TSPAN5: variants seen among roughly 807,000 people sequenced by gnomAD.
TSPAN5 encodes the protein tetraspanin 5.
In TSPAN5, 10 loss-of-function variants were observed where a neutral mutation model predicts 37.1. The ratio of observed to expected loss-of-function variants is 0.27; its 90% CI spans 0.17 to 0.46. TSPAN5 has a LOEUF of 0.46. Among genes scored for constraint, TSPAN5 ranks in the 20% least tolerant of loss-of-function variants. TSPAN5 has a pLI of 1.00. For synonymous variants in TSPAN5, 110 were observed against 118.9 expected (o/e 0.93, Z 0.48); for missense variants, 195 against 326.6 (o/e 0.60, Z 3.11).
At chr4:98,497,189 C>A (rs573279920) in intron 2 of TSPAN5, among the ~76,000 whole-genome samples, 3 of 151,806 alleles carry the variant, frequency 2.0e-5, no homozygotes, top group Middle Eastern at 3.2e-3. Flanking sequence ...GCCAGGCGTG[C>A]GCCTTGTAGT....
At chr4:98,621,364 C>CTTT (rs59414794) in intron 1 of TSPAN5, among the ~76,000 whole-genome samples, 8 of 102,658 alleles carry the variant, frequency 7.8e-5, no homozygotes, top group African/African-American at 1.4e-4. Flanking sequence ...CAATATGTCA[C>CTTT]TTTTTTTTTT....
intron 1 of TSPAN5, among the ~76,000 whole-genome samples, chr4:98,579,251 G>A (rs1326627409): frequency 6.6e-6 from 1 of 152,112 alleles, no homozygotes; most frequent in Non-Finnish European, 1.5e-5. Context: ...CCTCAAACAC[G>A]CTCTTCTTCC....
intron 1 of TSPAN5, among the ~76,000 whole-genome samples, chr4:98,652,129 G>A (rs900422924): frequency 1.3e-5 from 2 of 151,874 alleles, no homozygotes; most frequent in African/African-American, 4.8e-5. Context: ...TAAAGTGTTG[G>A]GATTACAGGT....
In TSPAN5 at chr4:98,539,452, C is replaced by T. The variant is rs181674373; in HGVS notation, c.82-31724G>A. 8.3e-4 allele frequency among the ~76,000 whole-genome samples: 127 copies of T among 152,266 alleles called. 1 individual carries two copies. The highest frequency in any genetic ancestry group is 3.0e-3 in the African/African-American group (123 of 41,560). ...ACTCTATTGCCCTTACTCCCCTCTT[C>T]CCCAAACCACAATTTTGACATGGCA... On this transcript the variant is annotated intron_variant, in intron 1 of 7. Coordinates refer to ENST00000305798, the MANE Select transcript of TSPAN5 (RefSeq NM_005723.4).
intron 1 of TSPAN5, among the ~76,000 whole-genome samples, chr4:98,582,037 G>A (rs796695461): frequency 2.4e-4 from 36 of 152,200 alleles, no homozygotes; most frequent in African/African-American, 7.5e-4. Flanking sequence ...CTGAGCTCCC[G>A]GCCCATCTCT....
chr4:98,499,039 G>T (rs1035229032), intron 2 of TSPAN5, among the ~76,000 whole-genome samples: 2 of 152,224 alleles, frequency 1.3e-5, no homozygotes, highest in African/African-American at 4.8e-5. Flanking sequence ...GCTCAGAGGT[G>T]CACTGGCTGA....
At chr4:98,527,402 A>G (rs974711049) in intron 1 of TSPAN5, among the ~76,000 whole-genome samples, 1 of 152,220 alleles carries the variant, frequency 6.6e-6, no homozygotes, top group East Asian at 1.9e-4. Flanking sequence ...TCCAAATTCT[A>G]GGCAAAAATC....
chr4:98,481,188 A>T (rs1752831342), intron 4 of TSPAN5, among the ~76,000 whole-genome samples: 1 of 152,166 alleles, frequency 6.6e-6, no homozygotes, highest in African/African-American at 2.4e-5. Context: ...TGTATGTCTC[A>T]TTAGTGTCAT....
chr4:98,480,908 T>A (rs1752824979), intron 4 of TSPAN5, among the ~76,000 whole-genome samples: 1 of 152,140 alleles, frequency 6.6e-6, no homozygotes, highest in South Asian at 2.1e-4. Flanking sequence ...ATAACCCTGC[T>A]CAGTCCTGAG....
chr4:98,592,351 T>TA (rs1467728046), intron 1 of TSPAN5, among the ~76,000 whole-genome samples: 1 of 149,740 alleles, frequency 6.7e-6, no homozygotes, highest in Non-Finnish European at 1.5e-5. Context: ...AATGAGCCAG[T>TA]ATTCAAAAAA....
chr4:98,605,747 T>C (rs533580457), intron 1 of TSPAN5, among the ~76,000 whole-genome samples: 1 of 152,340 alleles, frequency 6.6e-6, no homozygotes, highest in Admixed American at 6.5e-5. Context: ...AATGGAGGTG[T>C]ACATGTGGCT....
intron 1 of TSPAN5, among the ~76,000 whole-genome samples, chr4:98,620,215 C>G (rs1015786006): frequency 1.3e-5 from 2 of 152,154 alleles, no homozygotes; most frequent in Non-Finnish European, 2.9e-5. Flanking sequence ...CTTTAGCTCA[C>G]TCTTGGAACC....
intron 2 of TSPAN5, among the ~76,000 whole-genome samples, chr4:98,488,866 AGTATAGCG>A (rs1035912031): frequency 1.3e-5 from 2 of 152,202 alleles, no homozygotes; most frequent in African/African-American, 4.8e-5. Context: ...CAGCCTGGGC[AGTATAGCG>A]AGACCCTTTC....
intron 1 of TSPAN5, among the ~76,000 whole-genome samples, chr4:98,639,595 C>T (rs542440508): frequency 6.6e-6 from 1 of 151,420 alleles, no homozygotes; most frequent in African/African-American, 2.4e-5. Flanking sequence ...GTGCTGGGAT[C>T]ACAGGCATAA....
chr4:98,566,006 G>T (rs950953208), intron 1 of TSPAN5, among the ~76,000 whole-genome samples: 1 of 152,200 alleles, frequency 6.6e-6, no homozygotes, highest in Admixed American at 6.5e-5. Flanking sequence ...ACAAGGGAAA[G>T]TTCCTTAGTT....
intron 1 of TSPAN5, among the ~76,000 whole-genome samples, chr4:98,564,088 ATC>A (rs1754942993): frequency 6.6e-6 from 1 of 152,232 alleles, no homozygotes; most frequent in East Asian, 1.9e-4. Flanking sequence ...GGAGACAGTT[ATC>A]ACACTATATT....
intron 3 of TSPAN5, chr4:98,484,756 G>T (rs1438118854): frequency 2.9e-6 from 1 of 345,600 alleles, no homozygotes; most frequent in East Asian, 7.6e-5. Context: ...GAGGTCCGGA[G>T]TTCAAGACCA....
At chr4:98,480,236 T>C (rs546628142) in intron 4 of TSPAN5, among the ~76,000 whole-genome samples, 1 of 152,312 alleles carries the variant, frequency 6.6e-6, no homozygotes, top group East Asian at 1.9e-4. Context: ...TTTTGACATC[T>C]GTATACATCA....
intron 1 of TSPAN5, among the ~76,000 whole-genome samples, chr4:98,564,235 C>T (rs1423883751): frequency 6.6e-6 from 1 of 152,192 alleles, no homozygotes; most frequent in African/African-American, 2.4e-5. Flanking sequence ...AGTTTACATG[C>T]TTTTCTATAC....
Sources: allele counts gnomAD v4.1 joint callset (sites outside exome capture counted in the v4.1 genomes callset), GRCh38; gene constraint gnomAD v4.1.1; transcripts MANE v1.5; gene names NCBI Gene and HGNC (gene_info 2026-07-23, HGNC 2026-07-21).